The following TP53I13 variants were observed in gnomAD, a reference collection of about 807,000 sequenced individuals.
TP53I13 encodes the protein tumor protein p53-inducible protein 13.
TP53I13 carries 27 observed loss-of-function variants against 39.1 expected under a neutral mutation model. The observed-to-expected ratio is 0.69, with a 90% confidence interval of 0.51 to 0.95. TP53I13 has a LOEUF of 0.95. Ranked by LOEUF, TP53I13 falls within the 40% of genes least tolerant of loss-of-function variation. The pLI, the probability that TP53I13 is intolerant of heterozygous loss-of-function variation, is 0.00. For synonymous variants in TP53I13, 230 were observed against 224.6 expected (o/e 1.02, Z -0.22); for missense variants, 544 against 520.4 (o/e 1.05, Z -0.44).
chr17:29,579,669 G>A, the TP53I13 span, among the ~76,000 whole-genome samples: 1 of 151,766 alleles, frequency 6.6e-6, no homozygotes, highest in East Asian at 1.9e-4. Flanking sequence ...GCTGTGGTAA[G>A]CTATGATCAA....
upstream of TP53I13, chr17:29,566,891 G>A (rs1388732913): frequency 5.4e-6 from 8 of 1,493,864 alleles, no homozygotes; most frequent in East Asian, 2.8e-5. Flanking sequence ...CAGGGTCCCC[G>A]GAGCCGCGGG....
chr17:29,578,997 A>G, the TP53I13 span: 19 of 1,613,792 alleles, frequency 1.2e-5, no homozygotes, highest in Admixed American at 3.2e-4. Context: ...ATCTAAGTCC[A>G]GAGGAAGGCA....
At chr17:29,581,812 C>A in the TP53I13 span, 1 of 1,612,630 alleles carries the variant, frequency 6.2e-7, no homozygotes, top group Admixed American at 1.7e-5. This position sits in a 1 kb window ranked among gnomAD's most constrained non-coding sequence, Gnocchi z 4.8. Context: ...CCAGCCTTTC[C>A]GCCAGCTCAT....
chr17:29,568,696 G>GGCGC, upstream of TP53I13: 2 of 1,138,790 alleles, frequency 1.8e-6, no homozygotes, highest in Non-Finnish European at 2.2e-6. This position sits in a 1 kb window ranked among gnomAD's most constrained non-coding sequence, Gnocchi z 4.5. Flanking sequence ...GGAGGGGCGG[G>GGCGC]GCGCGCGCGC....
At chr17:29,581,411 A>C in the TP53I13 span, 1 of 1,584,810 alleles carries the variant, frequency 6.3e-7, no homozygotes, top group South Asian at 1.1e-5. This position sits in a 1 kb window ranked among gnomAD's most constrained non-coding sequence, Gnocchi z 4.8. Flanking sequence ...CAAGTCACTC[A>C]CTAGTGCTGG....
chr17:29,574,512 G>GT (rs1555573229), downstream of TP53I13: 6 of 644,970 alleles, frequency 9.3e-6, no homozygotes, highest in Middle Eastern at 2.8e-4. Flanking sequence ...AGAAGCTCCT[G>GT]CCCCCCCACC....
downstream of TP53I13, chr17:29,577,701 G>A (rs749863713): frequency 3.1e-6 from 5 of 1,612,208 alleles, no homozygotes; most frequent in South Asian, 1.1e-5. Context: ...ACGGCACTGC[G>A]CTCTGTCACC....
downstream of TP53I13, chr17:29,575,480 A>G (rs1417197623): frequency 6.3e-7 from 1 of 1,595,572 alleles, no homozygotes. The surrounding 1 kb of genome is among the most constrained non-coding windows in gnomAD (Gnocchi z 5.5). Flanking sequence ...CCTGAGGCCC[A>G]GGTCCAGAAA....
upstream of TP53I13, chr17:29,567,027 G>A: frequency 1.6e-6 from 2 of 1,219,354 alleles, no homozygotes; most frequent in East Asian, 3.4e-5. The surrounding 1 kb of genome is among the most constrained non-coding windows in gnomAD (Gnocchi z 6.6). Flanking sequence ...GGCGAGCTCC[G>A]CGCTTTGCCC....
intron 2 of TP53I13, 86 bp downstream of exon 2, chr17:29,569,172 C>T (rs2032828829): frequency 2.0e-6 from 3 of 1,487,328 alleles, no homozygotes; most frequent in Non-Finnish European, 2.8e-6. Context: ...TCCACAGTCA[C>T]CATCTGAGGA....
At chr17:29,574,513 C>T (rs776024034), downstream of TP53I13, 1 of 644,790 alleles carries the variant, frequency 1.6e-6, no homozygotes, top group Non-Finnish European at 2.8e-6. Flanking sequence ...GAAGCTCCTG[C>T]CCCCCCACCT....
intron 3 of TP53I13, among the ~76,000 whole-genome samples, chr17:29,570,268 G>A (rs1310831623): frequency 2.7e-5 from 4 of 146,358 alleles, no homozygotes; most frequent in South Asian, 2.2e-4. Context: ...AGTACTTTAG[G>A]AGGCTGAGGC....
At chr17:29,574,858 G>A, downstream of TP53I13, 1 of 1,596,534 alleles carries the variant, frequency 6.3e-7, no homozygotes, top group Non-Finnish European at 8.5e-7. Context: ...TCTGCAGCCG[G>A]TAGGCGCTGG....
Position 29,572,668 on chromosome 17 carries a change from C to T in TP53I13, c.1040C>T (p.Pro347Leu). Residue 347 changes from proline to leucine, a missense_variant, in exon 6 of 7, where the codon CCC becomes CTC. Transcript: ENST00000301057. The part of the protein sequence containing the change: ...FRRGESIYWG[P>L]TADSQDTVAA... ...CGCGGGGAGAGCATCTACTGGGGGC[C>T]CACAGCGGACAGCCAGGACACAGTG... is the stretch of plus-strand genomic sequence containing the variant. The T allele has an allele frequency of 6.3e-7, 1 of 1,575,872 alleles. No individual in the cohort carries two copies. Among genetic ancestry groups the T allele is most frequent in the Non-Finnish European group, 8.6e-7 (1 of 1,161,452 alleles).
chr17:29,576,515 C>T, downstream of TP53I13: 1 of 1,613,724 alleles, frequency 6.2e-7, no homozygotes, highest in Non-Finnish European at 8.5e-7. Context: ...CGAGGCTGCA[C>T]CCTCACCTCT....
chr17:29,575,638 T>C, downstream of TP53I13: 2 of 1,611,884 alleles, frequency 1.2e-6, no homozygotes, highest in South Asian at 2.2e-5. The surrounding 1 kb of genome is among the most constrained non-coding windows in gnomAD (Gnocchi z 5.5). Context: ...ACCCCAGCAG[T>C]GGGTCCCCAC....
At chr17:29,578,862 T>C in the TP53I13 span, 2 of 1,564,264 alleles carry the variant, frequency 1.3e-6, no homozygotes, top group South Asian at 1.1e-5. Flanking sequence ...CTCCCCAACA[T>C]GCAGGGATCC....
At chr17:29,578,111 G>A (rs775951421), downstream of TP53I13, among the ~76,000 whole-genome samples, 3 of 152,142 alleles carry the variant, frequency 2.0e-5, no homozygotes, top group African/African-American at 7.2e-5. Context: ...CACGCTAGCC[G>A]CCTCCCCCTC....
chr17:29,571,875 T>G lies in TP53I13; in HGVS notation c.331T>G (p.Trp111Gly), dbSNP rs1352656511. 6.2e-7 allele frequency: 1 copy of G among 1,613,184 alleles called. No homozygotes were observed. ...CTCGTAGCCCCTGGTGCTGACTGCA[T>G]GGGGGCTGGCGCTGGAGATGGCCTG... The part of the protein sequence containing the change: ...TQDRPLVLTA[W>G]GLALEMAWVE... The change falls in exon 5 of 7, where the codon TGG becomes GGG. Residue 111 changes from tryptophan (W) to glycine (G), a missense_variant. Trp to Gly is a radical substitution (Grantham distance 184, BLOSUM62 -2). Transcript: ENST00000301057.
Sources: gnomAD v4.1 joint callset for allele counts (sites outside exome capture counted in the v4.1 genomes callset) on GRCh38, gnomAD v4.1.1 for gene constraint, Gnocchi (gnomAD v3.1) non-coding constraint, MANE v1.5 for transcripts, NCBI Gene and HGNC (gene_info 2026-07-23, HGNC 2026-07-21) for gene names.